MGLL: variants seen among roughly 807,000 people sequenced by gnomAD.
MGLL encodes lysophospholipase homolog.
MGLL carries 7 observed loss-of-function variants against 29.1 expected under a neutral mutation model. The observed-to-expected ratio is 0.24, with a 90% CI of 0.14 to 0.45. The LOEUF (loss-of-function observed/expected upper bound fraction) is 0.45. Among genes scored for constraint, MGLL ranks in the 20% least tolerant of loss-of-function variants. The pLI, the probability that MGLL is intolerant of heterozygous loss-of-function variation, is 0.99. For synonymous variants in MGLL, 148 were observed against 168.3 expected, an observed-to-expected ratio of 0.88 and a Z score of 0.93; for missense variants, 356 against 413.6, an observed-to-expected ratio of 0.86 and a Z score of 1.21.
At chr3:127,753,988 C>T (rs1363659661) in intron 3 of MGLL, among the ~76,000 whole-genome samples, 2 of 152,362 alleles carry the variant, frequency 1.3e-5, no homozygotes, top group Non-Finnish European at 2.9e-5. Context: ...CTCGTCACAG[C>T]TGTCAGCGCC....
chr3:127,729,241 G>A lies in MGLL; in HGVS notation c.263-6675C>T, dbSNP rs115945329. On this transcript the variant is annotated intron_variant, in intron 3 of 7. Transcript: ENST00000265052. ...GCCTTCCCCACTCCACGGGTATAAA[G>A]GAATTCAGCCATATTTTCTGTGACT... Among the ~76,000 whole-genome samples, 980 of 152,142 alleles carry A rather than the reference G, an allele frequency of 6.4e-3. 16 individuals are homozygous for A. The highest frequency in any genetic ancestry group is 0.023 in the African/African-American group (949 of 41,496).
At chr3:127,726,177 A>AAAGAAAGAAAGAAAGAAAGG (rs2076035838) in intron 3 of MGLL, among the ~76,000 whole-genome samples, 1 of 42,554 alleles carries the variant, frequency 2.3e-5, no homozygotes, top group Non-Finnish European at 5.4e-5. Flanking sequence ...AGAAAGAAAG[A>AAAGAAAGAAAGAAAGAAAGG]AAGAAAGAAA....
chr3:127,722,991 G>T (rs775791313), intron 3 of MGLL, among the ~76,000 whole-genome samples: 1 of 152,166 alleles, frequency 6.6e-6, no homozygotes, highest in African/African-American at 2.4e-5. Context: ...CCTGAATATT[G>T]GCCTTTCACT....
intron 3 of MGLL, among the ~76,000 whole-genome samples, chr3:127,729,846 G>A (rs1217297521): frequency 1.3e-5 from 2 of 152,146 alleles, no homozygotes; most frequent in South Asian, 4.1e-4. Context: ...GCTCTCCCTG[G>A]TCCAAGCGCA....
rs1553752298 is a variant in MGLL at position 127,694,286 on chromosome 3, A to ATATATAT, written c.816+688_816+689insATATATA. Among the ~76,000 whole-genome samples the ATATATAT allele has an allele frequency of 3.0e-4, 29 of 97,886 alleles. 1 individual carries two copies. Among genetic ancestry groups the ATATATAT allele is most frequent in the East Asian group, 1.8e-3 (6 of 3,246 alleles). The allele number at this position is 97,886 out of a possible 152,430, so 64.2% of individuals were successfully genotyped here. A position where few individuals can be genotyped will look rare whatever the true frequency, so the allele number is the denominator to read the frequency against. ...CTCTGTCTGAAAAAAAAAAAAAAAAAATATATATATATATATATATATGTA... is the reference window on the plus strand; with the variant it reads ...CTCTGTCTGAAAAAAAAAAAAAAAAATATATATATATATATATATATATATATATGTA... On this transcript the variant is annotated intron_variant, in intron 7 of 7. Transcript: ENST00000265052.
intron 2 of MGLL, among the ~76,000 whole-genome samples, chr3:127,803,903 A>G (rs1051191294): frequency 6.6e-6 from 1 of 152,190 alleles, no homozygotes; most frequent in Non-Finnish European, 1.5e-5. Flanking sequence ...CACCACTTTC[A>G]GGACGGGGTG....
chr3:127,782,551 G>A (rs1003995725), intron 2 of MGLL, among the ~76,000 whole-genome samples: 10 of 152,288 alleles, frequency 6.6e-5, no homozygotes, highest in Admixed American at 2.0e-4. Flanking sequence ...GAGTGCTGGC[G>A]CGGGGCAGGC....
chr3:127,816,870 T>G (rs1311942156), intron 2 of MGLL, among the ~76,000 whole-genome samples: 3 of 152,224 alleles, frequency 2.0e-5, no homozygotes, highest in East Asian at 1.9e-4. Context: ...GCGGCCACAG[T>G]TCTGAGGACT....
intron 5 of MGLL, chr3:127,713,705 C>T (rs2075762786): frequency 6.6e-6 from 1 of 152,244 alleles, no homozygotes; most frequent in Non-Finnish European, 1.5e-5. Context: ...GGACCTGGGC[C>T]TGGAGGTGCC....
rs55892315 is a variant in MGLL, at chr3:127,721,507, G to GTTTTT, written c.400-349_400-345dup. On this transcript the variant is annotated intron_variant, in intron 4 of 7. Transcript: ENST00000265052. ...CCATCCCGACAGGCTTAATAGGAGG[G>GTTTTT]TTTTTTTTTTTTTTTTTTTTTTTGG... Among the ~76,000 whole-genome samples, 917 of 94,716 alleles carry GTTTTT rather than the reference G, an allele frequency of 9.7e-3. 15 individuals are homozygous for GTTTTT. Among genetic ancestry groups the GTTTTT allele is most frequent in the African/African-American group, 0.016 (382 of 24,352 alleles). 62.1% of individuals were successfully genotyped at this position (94,716 alleles called of 152,430 possible).
chr3:127,767,981 G>A (rs2076887226), intron 3 of MGLL, among the ~76,000 whole-genome samples: 1 of 152,182 alleles, frequency 6.6e-6, no homozygotes, highest in South Asian at 2.1e-4. Flanking sequence ...CCAAAGCTCA[G>A]TAATGTTCCA....
At chr3:127,777,815 ATAAGAT>A (rs1218417103) in intron 3 of MGLL, among the ~76,000 whole-genome samples, 1 of 152,234 alleles carries the variant, frequency 6.6e-6, no homozygotes, top group Non-Finnish European at 1.5e-5. Flanking sequence ...AATGGGGAAA[ATAAGAT>A]TAATTGTTGT....
At chr3:127,805,938 G>T (rs760197560) in intron 2 of MGLL, among the ~76,000 whole-genome samples, 4 of 152,202 alleles carry the variant, frequency 2.6e-5, no homozygotes, top group Non-Finnish European at 5.9e-5. Flanking sequence ...GGTTACAAAA[G>T]AATTTTAAGA....
At chr3:127,789,163 C>A (rs1466451060) in intron 2 of MGLL, among the ~76,000 whole-genome samples, 1 of 152,142 alleles carries the variant, frequency 6.6e-6, no homozygotes, top group Admixed American at 6.5e-5. Flanking sequence ...GGGTGGAATG[C>A]CAAGGGACAC....
chr3:127,694,343 ATGTG>A, intron 7 of MGLL, among the ~76,000 whole-genome samples: 1 of 57,690 alleles, frequency 1.7e-5, no homozygotes, highest in Non-Finnish European at 3.1e-5. Context: ...ATATATATGT[ATGTG>A]TATATATATG....
chr3:127,808,957 C>T (rs1001202589), intron 2 of MGLL, among the ~76,000 whole-genome samples: 4 of 152,180 alleles, frequency 2.6e-5, no homozygotes, highest in Admixed American at 1.3e-4. Context: ...TGAGACACAT[C>T]GGTGTGGATT....
At chr3:127,778,961 C>A (rs1459555120) in intron 3 of MGLL, among the ~76,000 whole-genome samples, 1 of 152,100 alleles carries the variant, frequency 6.6e-6, no homozygotes, top group African/African-American at 2.4e-5. Context: ...CACTATGTTG[C>A]CTGGGCTGGT....
chr3:127,750,391 C>T (rs1025359349), intron 3 of MGLL, among the ~76,000 whole-genome samples: 4 of 152,150 alleles, frequency 2.6e-5, no homozygotes, highest in South Asian at 2.1e-4. Context: ...GCCAAGGAGA[C>T]GGTCTCCACA....
intron 6 of MGLL, among the ~76,000 whole-genome samples, chr3:127,695,546 G>C (rs546970177): frequency 1.1e-4 from 17 of 152,194 alleles, no homozygotes; most frequent in Non-Finnish European, 2.1e-4. Context: ...CCAACATGGT[G>C]AAACCACGTC....
Sources: gnomAD v4.1 joint callset for allele counts (sites outside exome capture counted in the v4.1 genomes callset) on GRCh38, gnomAD v4.1.1 for gene constraint, MANE v1.5 for transcripts, NCBI Gene and HGNC (gene_info 2026-07-23, HGNC 2026-07-21) for gene names.